The following DROSHA variants were observed in gnomAD, a reference collection of about 807,000 sequenced individuals.
DROSHA encodes the protein ribonuclease 3.
Under a neutral mutation model 181.9 loss-of-function variants are expected in DROSHA, and 56 were observed. The observed-to-expected ratio is 0.31, with a 90% CI of 0.25 to 0.38. DROSHA has a LOEUF of 0.38. DROSHA is among the 10% of genes least tolerant of loss of function. DROSHA has a pLI of 1.00. For synonymous variants in DROSHA, 524 were observed against 591.2 expected (o/e 0.89, Z 1.65); for missense variants, 1,218 against 1,743.5 (o/e 0.70, Z 5.37).
At chr5:31,474,181 G>C (rs577638471) in intron 16 of DROSHA, among the ~76,000 whole-genome samples, 1 of 152,258 alleles carries the variant, frequency 6.6e-6, no homozygotes, top group East Asian at 1.9e-4. Context: ...AAGTGACAAA[G>C]TCACAAAATA....
chr5:31,410,904 G>A lies in DROSHA; in HGVS notation c.3526-17C>T. ...TCGCAACAACTGCCCAAAAGGAATG[G>A]CGGTACATTGAGAACACATTTCACT... On this transcript the variant is annotated splice_polypyrimidine_tract_variant and intron_variant, in intron 30 of 35. Transcript: ENST00000344624. The A allele has an allele frequency of 6.2e-7, 1 of 1,613,526 alleles. No individual in the cohort carries two copies. The highest frequency in any genetic ancestry group is 8.5e-7 in the Non-Finnish European group (1 of 1,179,674).
At chr5:31,525,757 G>T (rs528051098) in intron 5 of DROSHA, among the ~76,000 whole-genome samples, 1 of 151,882 alleles carries the variant, frequency 6.6e-6, no homozygotes, top group Admixed American at 6.6e-5. Flanking sequence ...TTTAATCTAT[G>T]ATAACACAAA....
At chr5:31,486,119 T>C (rs1484815422) in intron 14 of DROSHA, among the ~76,000 whole-genome samples, 2 of 152,220 alleles carry the variant, frequency 1.3e-5, no homozygotes, top group Admixed American at 1.3e-4. Flanking sequence ...GATCTTGTCA[T>C]TGGAGATAAC....
At chr5:31,446,363 C>T (rs954328013) in intron 23 of DROSHA, among the ~76,000 whole-genome samples, 1 of 141,250 alleles carries the variant, frequency 7.1e-6, no homozygotes, top group Admixed American at 7.8e-5. Flanking sequence ...GGGAGAATGG[C>T]GTGAACCCGG....
chr5:31,419,206 A>C (rs1169453283), intron 30 of DROSHA, among the ~76,000 whole-genome samples: 3 of 152,158 alleles, frequency 2.0e-5, no homozygotes, highest in Non-Finnish European at 4.4e-5. Context: ...TGTTAATGCT[A>C]ATGGGAGTTG....
intron 20 of DROSHA, among the ~76,000 whole-genome samples, chr5:31,462,001 G>A (rs1029942874): frequency 2.6e-5 from 4 of 151,918 alleles, no homozygotes; most frequent in Admixed American, 1.3e-4. Context: ...ATTTGATTTT[G>A]GTGTGTAAGG....
intron 20 of DROSHA, among the ~76,000 whole-genome samples, chr5:31,461,327 T>C (rs1748380251): frequency 6.6e-6 from 1 of 152,202 alleles, no homozygotes; most frequent in South Asian, 2.1e-4. Context: ...GTAAAATACC[T>C]GAGAATTTTA....
chr5:31,417,671 G>A (rs528312405), intron 30 of DROSHA, among the ~76,000 whole-genome samples: 4 of 152,172 alleles, frequency 2.6e-5, no homozygotes, highest in African/African-American at 4.8e-5. Context: ...GATCACTTAC[G>A]GAGCAGAAGT....
chr5:31,518,779 C>T (rs1005883964), intron 6 of DROSHA, among the ~76,000 whole-genome samples: 4 of 152,180 alleles, frequency 2.6e-5, no homozygotes, highest in African/African-American at 9.7e-5. Context: ...TAGTTAAATG[C>T]TAATATGGTT....
At chr5:31,493,350 G>A (rs925906986) in intron 12 of DROSHA, 57 bp from the exon 13 acceptor site, 4 of 1,469,158 alleles carry the variant, frequency 2.7e-6, no homozygotes, top group South Asian at 1.3e-5. Context: ...AGTTGCATAT[G>A]CAGAAATCCA....
At chr5:31,522,616 T>C (rs1355256899) in intron 5 of DROSHA, among the ~76,000 whole-genome samples, 1 of 152,202 alleles carries the variant, frequency 6.6e-6, no homozygotes, top group African/African-American at 2.4e-5. Context: ...AAAAGCTATG[T>C]TTGTGTTACT....
intron 11 of DROSHA, among the ~76,000 whole-genome samples, chr5:31,500,484 G>A (rs1753471375): frequency 1.3e-5 from 2 of 152,364 alleles, no homozygotes; most frequent in African/African-American, 2.4e-5. Flanking sequence ...GAGCAAAGCT[G>A]AAATACCGGA....
intron 16 of DROSHA, among the ~76,000 whole-genome samples, chr5:31,479,814 A>G (rs1480551289): frequency 6.6e-6 from 1 of 152,074 alleles, no homozygotes; most frequent in Non-Finnish European, 1.5e-5. Flanking sequence ...CGTGTTGTTT[A>G]GTGAGCATAT....
At chr5:31,478,215 C>A (rs189675424) in intron 16 of DROSHA, among the ~76,000 whole-genome samples, 10 of 152,188 alleles carry the variant, frequency 6.6e-5, no homozygotes, top group Non-Finnish European at 1.0e-4. Context: ...CCAGGAATGT[C>A]CAATCTTTCA....
chr5:31,512,799 A>G (rs1738839042), intron 8 of DROSHA, among the ~76,000 whole-genome samples: 2 of 152,234 alleles, frequency 1.3e-5, no homozygotes, highest in Non-Finnish European at 2.9e-5. Context: ...CAAGGAATGC[A>G]CATGGCCTGG....
chr5:31,529,130 G>C, intron 3 of DROSHA, 25 bp from the exon 4 acceptor site: 1 of 1,570,880 alleles, frequency 6.4e-7, no homozygotes, highest in Non-Finnish European at 8.7e-7. Flanking sequence ...GAATAAAACA[G>C]ACATAAACAT....
chr5:31,515,374 C>T, intron 7 of DROSHA, 80 bp downstream of exon 7: 1 of 1,027,648 alleles, frequency 9.7e-7, no homozygotes, highest in Non-Finnish European at 1.4e-6. Context: ...TCCCAAATAC[C>T]AGTCTGGTGG....
In DROSHA at chr5:31,483,646, G is replaced by GA. The variant is rs11341915; in HGVS notation, c.1997-19dup. On this transcript the variant is annotated intron_variant, in intron 15 of 35. Transcript: ENST00000344624. ...CAAAGGACCTGAAGCAAACAAATGA[G>GA]AAAAAAAAAAAAAAAAGAAAACTCA... 2,842 of 1,230,430 alleles carry GA rather than the reference G, an allele frequency of 2.3e-3. No homozygotes were observed. The highest frequency in any genetic ancestry group is 0.012 in the African/African-American group (729 of 62,190). 76.2% of individuals were successfully genotyped at this position (1,230,430 alleles called of 1,614,324 possible).
rs1184107232 is a variant in DROSHA, at chr5:31,526,020, G to C, written c.854+59C>G. On this transcript the variant is annotated intron_variant, in intron 5 of 35. Coordinates refer to ENST00000344624, the MANE Select transcript of DROSHA (RefSeq NM_001382508.1). ...CCTTTTGGTTTGGTTGTCATAAATG[G>C]AGAATGACCGTGCCTGGGCCTCTGC... 1.6e-5 allele frequency: 24 copies of C among 1,460,492 alleles called. No homozygotes were observed. The South Asian group carries it at 3.1e-4, about 19-fold the overall frequency. 90.5% of individuals were successfully genotyped at this position (1,460,492 alleles called of 1,614,324 possible). A position where few individuals can be genotyped will look rare whatever the true frequency, so the allele number is the denominator to read the frequency against.
Sources: gnomAD v4.1 joint callset for allele counts (sites outside exome capture counted in the v4.1 genomes callset) on GRCh38, gnomAD v4.1.1 for gene constraint, MANE v1.5 for transcripts, NCBI Gene and HGNC (gene_info 2026-07-23, HGNC 2026-07-21) for gene names.